Variants in LRP1B observed in about 807,000 individuals in gnomAD.
LRP1B encodes the protein LDL receptor related protein 1B, also known as low-density lipoprotein receptor-related protein 1B.
In LRP1B, 217 loss-of-function variants were observed where a neutral mutation model predicts 556.6. The observed-to-expected ratio is 0.39, with a 90% CI of 0.35 to 0.44. The LOEUF is 0.44. LRP1B is among the 20% of genes least tolerant of loss of function. LRP1B has a pLI of 1.00. For synonymous variants in LRP1B, 2,047 were observed against 1,865.8 expected (o/e 1.10, Z -2.50); for missense variants, 5,053 against 5,620.8 (o/e 0.90, Z 3.23).
chr2:141,367,949 T>G (rs1325854903), intron 3 of LRP1B, among the ~76,000 whole-genome samples: 2 of 152,154 alleles, frequency 1.3e-5, no homozygotes, highest in African/African-American at 4.8e-5. Flanking sequence ...CTAGAAAAAT[T>G]TTGTGCCAAC....
chr2:141,042,465 T>G (rs1050451918), intron 11 of LRP1B, among the ~76,000 whole-genome samples: 10 of 152,120 alleles, frequency 6.6e-5, no homozygotes, highest in African/African-American at 2.4e-4. Context: ...AACTGTACTT[T>G]GTCTCTGAAG....
chr2:140,807,474 G>T (rs1427981054), intron 32 of LRP1B, among the ~76,000 whole-genome samples: 4 of 151,126 alleles, frequency 2.6e-5, no homozygotes, highest in Admixed American at 1.3e-4. Flanking sequence ...CTGAGTAGCT[G>T]GGATTACAGG....
chr2:141,225,797 A>T (rs1355919212), intron 6 of LRP1B, among the ~76,000 whole-genome samples: 1 of 152,114 alleles, frequency 6.6e-6, no homozygotes, highest in East Asian at 1.9e-4. Context: ...TTTAGGAATG[A>T]TGTACAATGT....
chr2:140,737,807 T>C (rs1184385151), intron 35 of LRP1B, among the ~76,000 whole-genome samples: 1 of 152,154 alleles, frequency 6.6e-6, no homozygotes, highest in African/African-American at 2.4e-5. Flanking sequence ...CTGCAAAAAC[T>C]AGATGAATGC....
At chr2:141,812,942 A>T (rs1175442377) in intron 1 of LRP1B, among the ~76,000 whole-genome samples, 1 of 152,158 alleles carries the variant, frequency 6.6e-6, no homozygotes, top group Non-Finnish European at 1.5e-5. Context: ...GATAGAAAAA[A>T]AAAAGACTGG....
At chr2:141,320,772 G>A (rs961134035) in intron 3 of LRP1B, among the ~76,000 whole-genome samples, 5 of 152,046 alleles carry the variant, frequency 3.3e-5, no homozygotes, top group East Asian at 1.9e-4. Flanking sequence ...GCAGTTTCAC[G>A]TAAAATTAAA....
chr2:140,682,012 G>T (rs1685876534), intron 41 of LRP1B, among the ~76,000 whole-genome samples: 1 of 152,128 alleles, frequency 6.6e-6, no homozygotes, highest in African/African-American at 2.4e-5. Context: ...TCTATTTTAA[G>T]AACATATTTG....
At chr2:140,938,573 A>G (rs1218620710) in intron 20 of LRP1B, among the ~76,000 whole-genome samples, 1 of 152,098 alleles carries the variant, frequency 6.6e-6, no homozygotes, top group Non-Finnish European at 1.5e-5. Context: ...AGTTAGGGGA[A>G]AAAGGAGATT....
chr2:141,006,115 G>T (rs771375786), intron 14 of LRP1B, among the ~76,000 whole-genome samples: 1 of 151,942 alleles, frequency 6.6e-6, no homozygotes, highest in African/African-American at 2.4e-5. Context: ...ATTCATGAAC[G>T]TATGTGAGGC....
intron 66 of LRP1B, among the ~76,000 whole-genome samples, chr2:140,438,506 G>A (rs535044612): frequency 6.6e-6 from 1 of 152,258 alleles, no homozygotes; most frequent in South Asian, 2.1e-4. Flanking sequence ...TGTAGCTTGA[G>A]TAGTCTGTTT....
At chr2:141,417,826 T>TACCAACAGC (rs1256214372) in intron 3 of LRP1B, among the ~76,000 whole-genome samples, 76 of 150,894 alleles carry the variant, frequency 5.0e-4, no homozygotes, top group African/African-American at 1.8e-3. Context: ...TTTACATATC[T>TACCAACAGC]ACCAACAGCA....
At chr2:140,932,513 C>T (rs1038332372) in intron 20 of LRP1B, among the ~76,000 whole-genome samples, 1 of 152,048 alleles carries the variant, frequency 6.6e-6, no homozygotes, top group East Asian at 1.9e-4. Flanking sequence ...GTTTGCCCAC[C>T]CTTGTTCTAA....
chr2:140,445,676 C>A (rs1686627064), intron 63 of LRP1B, among the ~76,000 whole-genome samples: 2 of 152,054 alleles, frequency 1.3e-5, no homozygotes, highest in South Asian at 4.1e-4. Flanking sequence ...CTGGGCTAGA[C>A]CCCTTCACAT....
intron 77 of LRP1B, among the ~76,000 whole-genome samples, chr2:140,348,108 T>C (rs1340035433): frequency 6.6e-6 from 1 of 152,016 alleles, no homozygotes. Context: ...AAATATATTA[T>C]CTCAAAGGGG....
intron 2 of LRP1B, among the ~76,000 whole-genome samples, chr2:141,637,043 A>T (rs929755234): frequency 6.6e-6 from 1 of 152,104 alleles, no homozygotes; most frequent in African/African-American, 2.4e-5. Flanking sequence ...ACTGTCTGGA[A>T]TTTTTTCTCG....
At chr2:141,192,909 ATAAT>A (rs1201926437) in intron 6 of LRP1B, among the ~76,000 whole-genome samples, 1 of 150,356 alleles carries the variant, frequency 6.7e-6, no homozygotes, top group Non-Finnish European at 1.5e-5. Context: ...GCACCGAGTA[ATAAT>A]TAATGAGAAT....
At chr2:142,069,551 C>A (rs892073661) in intron 1 of LRP1B, among the ~76,000 whole-genome samples, 6 of 151,602 alleles carry the variant, frequency 4.0e-5, no homozygotes, top group African/African-American at 1.5e-4. Context: ...TTCACTTAAT[C>A]TTTTACTCAA....
chr2:141,617,170 G>C (rs73965731), intron 2 of LRP1B, among the ~76,000 whole-genome samples: 1 of 151,954 alleles, frequency 6.6e-6, no homozygotes, highest in African/African-American at 2.4e-5. Flanking sequence ...ATGTGTGCTC[G>C]TAAAGGCAAG....
At chr2:142,083,633 A>C (rs1705801397) in intron 1 of LRP1B, among the ~76,000 whole-genome samples, 1 of 152,244 alleles carries the variant, frequency 6.6e-6, no homozygotes, top group African/African-American at 2.4e-5. Flanking sequence ...CTAAACTGTA[A>C]TTAATTTCCT....
Sources: allele counts gnomAD v4.1 joint callset (sites outside exome capture counted in the v4.1 genomes callset), GRCh38; gene constraint gnomAD v4.1.1; transcripts MANE v1.5; gene names NCBI Gene and HGNC (gene_info 2026-07-23, HGNC 2026-07-21).